PARG: variants seen among roughly 807,000 people sequenced by gnomAD.
PARG encodes the protein mitochondrial poly(ADP-ribose) glycohydrolase.
In PARG, 35 loss-of-function variants were observed where a neutral mutation model predicts 113.0. The ratio of observed to expected loss-of-function variants is 0.31; its 90% CI spans 0.24 to 0.41. PARG has a LOEUF of 0.41. Ranked by LOEUF, PARG falls within the 10% of genes least tolerant of loss-of-function variation. PARG has a pLI of 1.00. For synonymous variants in PARG, 330 were observed against 409.9 expected (o/e 0.81, Z 2.36); for missense variants, 797 against 1,169.4 (o/e 0.68, Z 4.64).
At chr10:49,827,323 T>C (rs996943144) in intron 16 of PARG, among the ~76,000 whole-genome samples, 1 of 152,174 alleles carries the variant, frequency 6.6e-6, no homozygotes, top group Non-Finnish European at 1.5e-5. Flanking sequence ...GTACTGAAGG[T>C]AGGGAATGGG....
At chr10:49,904,280 T>G (rs2132764276) in intron 7 of PARG, among the ~76,000 whole-genome samples, 1 of 151,726 alleles carries the variant, frequency 6.6e-6, no homozygotes, top group East Asian at 2.0e-4. Flanking sequence ...GGTGAATAAA[T>G]CCAATAGTCA....
intron 4 of PARG, among the ~76,000 whole-genome samples, chr10:49,930,575 T>TA (rs1487651644): frequency 2.0e-5 from 3 of 152,220 alleles, no homozygotes; most frequent in Non-Finnish European, 4.4e-5. Flanking sequence ...CTAAAACAGA[T>TA]AGTTTTCAAC....
intron 15 of PARG, 36 bp downstream of exon 15, chr10:49,841,914 C>T: frequency 7.7e-7 from 1 of 1,305,160 alleles, no homozygotes; most frequent in Non-Finnish European, 1.1e-6. Context: ...AAATAGATGA[C>T]AGCTGCCAGA....
intron 15 of PARG, among the ~76,000 whole-genome samples, chr10:49,840,283 G>T (rs1333243491): frequency 6.6e-6 from 1 of 151,886 alleles, no homozygotes; most frequent in African/African-American, 2.4e-5. Context: ...AGCTACTCAG[G>T]AGGCTGAGAT....
chr10:49,870,398 A>T (rs1846737145), intron 9 of PARG, among the ~76,000 whole-genome samples: 1 of 152,102 alleles, frequency 6.6e-6, no homozygotes, highest in East Asian at 1.9e-4. Context: ...CTGTTGTTTA[A>T]GCCACCCAGT....
At chr10:49,853,337 GAA>G (rs1845844068) in intron 13 of PARG, among the ~76,000 whole-genome samples, 1 of 151,656 alleles carries the variant, frequency 6.6e-6, no homozygotes, top group Non-Finnish European at 1.5e-5. Flanking sequence ...CACCCAGCCG[GAA>G]TAACAATCTT....
intron 6 of PARG, among the ~76,000 whole-genome samples, chr10:49,917,221 T>C (rs1588986190): frequency 6.6e-6 from 1 of 152,174 alleles, no homozygotes; most frequent in South Asian, 2.1e-4. Context: ...CTGGACGCAG[T>C]GGCTCGCGCC....
At chr10:49,822,971 C>G (rs1844177844) in intron 16 of PARG, among the ~76,000 whole-genome samples, 1 of 152,084 alleles carries the variant, frequency 6.6e-6, no homozygotes, top group Non-Finnish European at 1.5e-5. Context: ...AACATGACAA[C>G]TAAATGCAGT....
chr10:49,912,352 A>G (rs1269978926), intron 7 of PARG, among the ~76,000 whole-genome samples: 1 of 152,090 alleles, frequency 6.6e-6, no homozygotes. Flanking sequence ...AAACCCTGCT[A>G]ATAAACAATG....
intron 13 of PARG, among the ~76,000 whole-genome samples, chr10:49,857,098 GAAAGA>G (rs1227031120): frequency 6.7e-6 from 1 of 150,008 alleles, no homozygotes; most frequent in Admixed American, 6.7e-5. Flanking sequence ...TGCCACGAAA[GAAAGA>G]AAAGGTAAAA....
At chr10:49,929,826 C>CAA (rs1238299427) in intron 4 of PARG, among the ~76,000 whole-genome samples, 44 of 84,868 alleles carry the variant, frequency 5.2e-4, no homozygotes, top group African/African-American at 9.4e-4. Flanking sequence ...AAAACTCCAT[C>CAA]AAAAAAAAAA....
intron 7 of PARG, among the ~76,000 whole-genome samples, chr10:49,894,684 T>C (rs2132707498): frequency 6.6e-6 from 1 of 152,364 alleles, no homozygotes; most frequent in Admixed American, 6.5e-5. Context: ...CAAATGACTG[T>C]ATAAACATGG....
chr10:49,894,045 G>A (rs879975525), intron 7 of PARG, among the ~76,000 whole-genome samples: 9 of 151,412 alleles, frequency 5.9e-5, no homozygotes, highest in Non-Finnish European at 1.2e-4. Flanking sequence ...GTCCAGACTG[G>A]TATTGAACTC....
chr10:49,859,149 C>CA (rs202032152), intron 12 of PARG, among the ~76,000 whole-genome samples: 12,438 of 117,282 alleles, frequency 0.11, 1,026 homozygotes, highest in East Asian at 0.35. Context: ...GGACACAGGG[C>CA]AAAAAAAAAA....
At chr10:49,927,994 A>T (rs1447349978) in intron 4 of PARG, among the ~76,000 whole-genome samples, 1 of 151,410 alleles carries the variant, frequency 6.6e-6, no homozygotes, top group Non-Finnish European at 1.5e-5. Flanking sequence ...GAAGAAGGCC[A>T]GGAACAGTGG....
intron 8 of PARG, among the ~76,000 whole-genome samples, chr10:49,882,277 C>T (rs1433519014): frequency 6.6e-6 from 1 of 150,646 alleles, no homozygotes; most frequent in Non-Finnish European, 1.5e-5. Context: ...CAAAAAGTTC[C>T]TGACCAAATT....
At position 49,819,573 on chromosome 10, in the gene PARG, T is replaced by C. The variant is rs1177851694; in HGVS notation, c.2777-79A>G. On this transcript the variant is annotated intron_variant, in intron 17 of 17. Coordinates refer to ENST00000616448, the MANE Select transcript of PARG (RefSeq NM_003631.5). ...CCTTAGAAAGAACACTCCAGTTTTA[T>C]CTTAATCTAAATGGCATATGCTCAG... The C allele has an allele frequency of 7.4e-6, 8 of 1,080,372 alleles. No individual in the cohort carries two copies. The Admixed American group carries it at 1.9e-4, about 25-fold the overall frequency. The allele number at this position is 1,080,372 out of a possible 1,614,324, so 66.9% of individuals were successfully genotyped here. A position where few individuals can be genotyped will look rare whatever the true frequency, so the allele number is the denominator to read the frequency against.
At chr10:49,855,015 C>T (rs1554834806) in intron 13 of PARG, among the ~76,000 whole-genome samples, 1 of 150,672 alleles carries the variant, frequency 6.6e-6, no homozygotes, top group Non-Finnish European at 1.5e-5. Context: ...AGTAACTGCC[C>T]CTGAGGAGCC....
chr10:49,848,637 A>G (rs1845621189), intron 13 of PARG, among the ~76,000 whole-genome samples: 2 of 151,176 alleles, frequency 1.3e-5, no homozygotes, highest in Non-Finnish European at 2.9e-5. Context: ...CACCATAAGT[A>G]GGGTTGATTG....
Sources: gnomAD v4.1 joint callset for allele counts (sites outside exome capture counted in the v4.1 genomes callset) on GRCh38, gnomAD v4.1.1 for gene constraint, MANE v1.5 for transcripts, NCBI Gene and HGNC (gene_info 2026-07-23, HGNC 2026-07-21) for gene names.